Variants in CRISPLD1 observed in about 807,000 individuals in gnomAD.
CRISPLD1 encodes cysteine-rich secretory protein LCCL domain-containing 1.
A neutral mutation model predicts 77.5 loss-of-function variants in CRISPLD1; 60 were observed. That is an observed-to-expected ratio of 0.77 (90% CI 0.63 to 0.96). CRISPLD1 has a LOEUF of 0.96. CRISPLD1 is among the 40% of genes least tolerant of loss of function. CRISPLD1 has a pLI of 0.00. For synonymous variants in CRISPLD1, 195 were observed against 200.1 expected, an observed-to-expected ratio of 0.97 and a Z score of 0.22; for missense variants, 623 against 615.8, an observed-to-expected ratio of 1.01 and a Z score of -0.12.
intron 4 of CRISPLD1, among the ~76,000 whole-genome samples, chr8:75,013,772 C>T (rs551809564): frequency 1.3e-5 from 2 of 152,184 alleles, no homozygotes; most frequent in East Asian, 3.9e-4. Context: ...CATTTTATAA[C>T]CAGACACAGT....
Position 75,032,236 on chromosome 8 carries a change from T to C in CRISPLD1, c.1497T>C (p.Val499=). Reference sequence around the variant, plus strand: ...GAAAGGCATTCAGAGTGTTTGCTGTTGTGTGAAACTGAATACTTGGAAGAG... The same window carrying C: ...GAAAGGCATTCAGAGTGTTTGCTGTCGTGTGAAACTGAATACTTGGAAGAG... The part of the protein sequence containing the change: ...PGGKAFRVFA[V]V Residue 499 remains valine (V), a synonymous_variant, in exon 15 of 15, where the codon GTT becomes GTC. Coordinates refer to ENST00000262207, the MANE Select transcript of CRISPLD1 (RefSeq NM_031461.6). The C allele has an allele frequency of 6.2e-7, 1 of 1,606,104 alleles. No homozygotes were observed. The highest frequency in any genetic ancestry group is 1.3e-5 in the African/African-American group (1 of 74,692).
At chr8:75,008,657 G>A (rs1469367510) in intron 2 of CRISPLD1, among the ~76,000 whole-genome samples, 2 of 151,964 alleles carry the variant, frequency 1.3e-5, no homozygotes, top group Non-Finnish European at 2.9e-5. Flanking sequence ...CTCTGCTTCA[G>A]CACTTATATT....
chr8:75,015,989 A>T (rs1178967101), intron 6 of CRISPLD1, among the ~76,000 whole-genome samples: 1 of 152,154 alleles, frequency 6.6e-6, no homozygotes, highest in East Asian at 1.9e-4. Flanking sequence ...GATAAAGGCC[A>T]GTCTGGAAAT....
chr8:75,009,211 C>T (rs1056354709), intron 2 of CRISPLD1, among the ~76,000 whole-genome samples: 8 of 151,966 alleles, frequency 5.3e-5, no homozygotes, highest in East Asian at 1.9e-4. Context: ...TCACATGCCT[C>T]GGCTGGAAGA....
intron 14 of CRISPLD1, among the ~76,000 whole-genome samples, chr8:75,030,714 A>ATG (rs1362172606): frequency 6.8e-6 from 1 of 147,148 alleles, no homozygotes; most frequent in Admixed American, 6.8e-5. Context: ...GTGTATATGT[A>ATG]TGTGTGTGTG....
chr8:75,012,299 CTGA>C, intron 2 of CRISPLD1, 131 bp from the exon 3 acceptor site: 2 of 647,624 alleles, frequency 3.1e-6, no homozygotes, highest in Non-Finnish European at 5.5e-6. Context: ...ACTTTTGAGT[CTGA>C]TGAGAATCCA....
At chr8:74,995,156 A>C (rs1812627509) in intron 2 of CRISPLD1, among the ~76,000 whole-genome samples, 1 of 152,192 alleles carries the variant, frequency 6.6e-6, no homozygotes. Context: ...GACACACTTT[A>C]AAGTGTAAAG....
chr8:75,010,653 A>G (rs1315122587), intron 2 of CRISPLD1, among the ~76,000 whole-genome samples: 2 of 151,558 alleles, frequency 1.3e-5, no homozygotes, highest in African/African-American at 4.8e-5. Context: ...TCCCAAAAAT[A>G]TCTTCTCTCT....
rs1170230104 is a variant in CRISPLD1, at chr8:75,029,373, C to T, written c.1321-14C>T. On this transcript the variant is annotated splice_polypyrimidine_tract_variant and intron_variant, in intron 13 of 14. Transcript: ENST00000262207. ...AATTTCCAATAATGGCAGTTTGTTT[C>T]TTTACCTTCTCAGCTGTCCAGTATC... The T allele has an allele frequency of 1.9e-6, 3 of 1,604,726 alleles. No individual in the cohort carries two copies. Among genetic ancestry groups the T allele is most frequent in the Non-Finnish European group, 2.5e-6 (3 of 1,176,690 alleles).
chr8:75,032,153 A>C, intron 14 of CRISPLD1, 38 bp from the exon 15 acceptor site: 1 of 1,373,588 alleles, frequency 7.3e-7, no homozygotes, highest in Non-Finnish European at 1.0e-6. Context: ...TATAGAGATG[A>C]CATCAATATA....
chr8:75,032,278 C>G lies in CRISPLD1; in HGVS notation c.*36C>G. 6.7e-7 allele frequency: 1 copy of G among 1,495,292 alleles called. No individual in the cohort carries two copies. The highest frequency in any genetic ancestry group is 9.2e-7 in the Non-Finnish European group (1 of 1,082,908). The allele number at this position is 1,495,292 out of a possible 1,614,324, so 92.6% of individuals were successfully genotyped here. On this transcript the variant is annotated 3_prime_UTR_variant, in exon 15 of 15. Transcript: ENST00000262207. ...TTGGAAGAGGACCATAAAGACTATT[C>G]CAAATGCAATATTTCTGAATTTTGT...
chr8:75,006,847 G>A (rs776977955), intron 2 of CRISPLD1, among the ~76,000 whole-genome samples: 2 of 151,798 alleles, frequency 1.3e-5, no homozygotes, highest in African/African-American at 2.4e-5. Flanking sequence ...ACTAATCTTT[G>A]GGGGTAATTT....
chr8:75,008,644 C>G (rs1405589808), intron 2 of CRISPLD1, among the ~76,000 whole-genome samples: 1 of 152,034 alleles, frequency 6.6e-6, no homozygotes, highest in Non-Finnish European at 1.5e-5. Context: ...TAGTTGCATG[C>G]CCCTCTGCTT....
At chr8:75,016,848 A>G in intron 7 of CRISPLD1, 33 bp from the exon 8 acceptor site, 1 of 1,525,346 alleles carries the variant, frequency 6.6e-7, no homozygotes, top group Non-Finnish European at 8.9e-7. Flanking sequence ...CTTTTATATT[A>G]TTTAAGTTAT....
intron 12 of CRISPLD1, among the ~76,000 whole-genome samples, chr8:75,025,345 A>T (rs1221435376): frequency 6.6e-6 from 1 of 152,084 alleles, no homozygotes; most frequent in East Asian, 1.9e-4. Flanking sequence ...TTTTTAAATG[A>T]CATTTATGCC....
intron 2 of CRISPLD1, among the ~76,000 whole-genome samples, chr8:75,007,381 A>G (rs1458331234): frequency 1.3e-5 from 2 of 152,162 alleles, no homozygotes; most frequent in African/African-American, 4.8e-5. Context: ...TACATTCTTG[A>G]ATGATTTCCA....
At chr8:75,013,776 A>G (rs190679621) in intron 4 of CRISPLD1, among the ~76,000 whole-genome samples, 218 of 152,280 alleles carry the variant, frequency 1.4e-3, no homozygotes, top group Middle Eastern at 3.4e-3. Flanking sequence ...TTATAACCAG[A>G]CACAGTTATT....
At chr8:74,996,905 A>T (rs1023504539) in intron 2 of CRISPLD1, among the ~76,000 whole-genome samples, 2 of 151,482 alleles carry the variant, frequency 1.3e-5, no homozygotes, top group African/African-American at 4.9e-5. Context: ...TTTTGTAGAG[A>T]TTGGTCTTGC....
intron 2 of CRISPLD1, among the ~76,000 whole-genome samples, chr8:74,994,562 A>G (rs1812619122): frequency 6.6e-6 from 1 of 152,202 alleles, no homozygotes; most frequent in Admixed American, 6.5e-5. Context: ...AAGAGATTAG[A>G]GGAGGTGGAA....
Sources: gnomAD v4.1 joint callset for allele counts (sites outside exome capture counted in the v4.1 genomes callset) on GRCh38, gnomAD v4.1.1 for gene constraint, MANE v1.5 for transcripts, NCBI Gene and HGNC (gene_info 2026-07-23, HGNC 2026-07-21) for gene names.